Variants in CCDC171 observed in about 807,000 individuals in gnomAD.
CCDC171 encodes coiled-coil domain-containing protein 171.
In CCDC171, 177 loss-of-function variants were observed where a neutral mutation model predicts 168.2. The ratio of observed to expected loss-of-function variants is 1.05; its 90% CI spans 0.93 to 1.19. The LOEUF is 1.19. Ranked by LOEUF, CCDC171 falls within the 50% of genes most tolerant of loss-of-function variation. The pLI is 0.00. For synonymous variants in CCDC171, 687 were observed against 540.8 expected (o/e 1.27, Z -3.75); for missense variants, 1,991 against 1,539.0 (o/e 1.29, Z -4.91).
At chr9:16,101,728 G>A in the CCDC171 span, among the ~76,000 whole-genome samples, 1,422 of 152,338 alleles carry the variant, frequency 9.3e-3, 35 homozygotes, top group African/African-American at 0.033. Flanking sequence ...GAAGGCCACA[G>A]GGCAGGGAAG....
intron 2 of CCDC171, among the ~76,000 whole-genome samples, chr9:15,564,952 A>G (rs560781578): frequency 1.3e-5 from 2 of 152,292 alleles, no homozygotes; most frequent in South Asian, 4.1e-4. Context: ...GTCCTTCCTC[A>G]TATTTAGTTT....
intron 21 of CCDC171, among the ~76,000 whole-genome samples, chr9:15,799,851 C>G (rs2058735740): frequency 6.6e-6 from 1 of 152,016 alleles, no homozygotes; most frequent in Non-Finnish European, 1.5e-5. Flanking sequence ...TTTAGCCCCT[C>G]CAAATAAGTA....
intron 21 of CCDC171, among the ~76,000 whole-genome samples, chr9:15,793,741 G>C (rs1056551707): frequency 7.9e-5 from 12 of 151,710 alleles, no homozygotes; most frequent in African/African-American, 2.7e-4. Context: ...TTAGGACAGT[G>C]TTTCACCATA....
intron 8 of CCDC171, among the ~76,000 whole-genome samples, chr9:16,037,448 A>G (rs908827700): frequency 6.6e-6 from 1 of 152,312 alleles, no homozygotes; most frequent in Non-Finnish European, 1.5e-5. Flanking sequence ...AGCTTCCAAA[A>G]TTATGAAGAA....
chr9:15,634,674 T>G (rs1185708387), intron 7 of CCDC171, among the ~76,000 whole-genome samples: 1 of 152,214 alleles, frequency 6.6e-6, no homozygotes, highest in Non-Finnish European at 1.5e-5. Context: ...TATTATAAAT[T>G]TGTCCATTTG....
At chr9:15,956,955 T>C (rs1394751138) in intron 25 of CCDC171, among the ~76,000 whole-genome samples, 1 of 152,022 alleles carries the variant, frequency 6.6e-6, no homozygotes, top group Admixed American at 6.6e-5. Flanking sequence ...GTTTTGGTAG[T>C]CTAAAAATCA....
chr9:15,585,338 G>C (rs1405593406), intron 4 of CCDC171, among the ~76,000 whole-genome samples: 2 of 152,134 alleles, frequency 1.3e-5, no homozygotes, highest in African/African-American at 2.4e-5. Flanking sequence ...TGGGGAAAAA[G>C]ACATTCATTA....
intron 1 of CCDC171, among the ~76,000 whole-genome samples, chr9:16,046,823 T>C (rs933848040): frequency 3.9e-5 from 6 of 152,194 alleles, no homozygotes; most frequent in Admixed American, 1.3e-4. Context: ...TTAAACCTTT[T>C]TCTTTACAAA....
At chr9:15,656,706 C>A (rs542637143) in intron 7 of CCDC171, among the ~76,000 whole-genome samples, 195 of 152,132 alleles carry the variant, frequency 1.3e-3, no homozygotes, top group African/African-American at 4.6e-3. Flanking sequence ...TGACAAAAAG[C>A]AGATTCGTGA....
chr9:15,944,835 T>TTC (rs1554691557), intron 25 of CCDC171, among the ~76,000 whole-genome samples: 1 of 29,910 alleles, frequency 3.3e-5, no homozygotes, highest in Non-Finnish European at 6.8e-5. Context: ...TTTTCTTTCT[T>TTC]TTTTCTTTCT....
chr9:15,923,177 G>C (rs563794952), intron 25 of CCDC171, among the ~76,000 whole-genome samples: 1 of 151,296 alleles, frequency 6.6e-6, no homozygotes, highest in Non-Finnish European at 1.5e-5. Context: ...TCTTCTAGTA[G>C]TTTCAGAGTT....
chr9:15,589,185 T>C (rs932049105), intron 4 of CCDC171, among the ~76,000 whole-genome samples: 2 of 152,176 alleles, frequency 1.3e-5, no homozygotes, highest in Non-Finnish European at 2.9e-5. Context: ...TTCCCTGATA[T>C]TGACACACAT....
chr9:15,799,165 T>C (rs796078486), intron 21 of CCDC171, among the ~76,000 whole-genome samples: 5 of 141,206 alleles, frequency 3.5e-5, no homozygotes, highest in African/African-American at 7.9e-5. Context: ...TATATATATA[T>C]ACCATTTTGA....
chr9:15,845,318 G>C (rs1476338028), intron 21 of CCDC171, among the ~76,000 whole-genome samples: 6 of 151,916 alleles, frequency 3.9e-5, no homozygotes, highest in Non-Finnish European at 7.4e-5. Context: ...TAATAGTGAA[G>C]ATTTAAAACA....
At chr9:15,856,093 G>C (rs981581867) in intron 23 of CCDC171, among the ~76,000 whole-genome samples, 1 of 151,858 alleles carries the variant, frequency 6.6e-6, no homozygotes, top group Admixed American at 6.6e-5. Context: ...TTATTGGGCA[G>C]ATCTAGTGGT....
At chr9:16,037,163 G>A (rs1833486474) in intron 8 of CCDC171, among the ~76,000 whole-genome samples, 1 of 152,182 alleles carries the variant, frequency 6.6e-6, no homozygotes, top group South Asian at 2.1e-4. Flanking sequence ...TCTCAACACA[G>A]AGAAATGATG....
intron 9 of CCDC171, among the ~76,000 whole-genome samples, chr9:15,678,164 G>GAC (rs1263846812): frequency 1.3e-5 from 2 of 151,626 alleles, no homozygotes; most frequent in Middle Eastern, 3.4e-3. Flanking sequence ...TCCTGCTATG[G>GAC]ACTGCCAAAG....
intron 23 of CCDC171, among the ~76,000 whole-genome samples, chr9:15,868,813 G>C (rs1041157816): frequency 6.6e-6 from 1 of 151,880 alleles, no homozygotes; most frequent in Non-Finnish European, 1.5e-5. Flanking sequence ...TCACAAGGTG[G>C]GTAACAGAAT....
In CCDC171 at chr9:15,721,890, GT is replaced by G; in HGVS notation, c.1425+18del. On this transcript the variant is annotated intron_variant, in intron 12 of 25. Coordinates refer to ENST00000380701, the MANE Select transcript of CCDC171 (RefSeq NM_173550.4). ...CATCTAATGAGGTAACACTTGCACT[GT>G]TTGGCTCCACACATATAGCCTTCGG... The G allele has an allele frequency of 7.1e-7, 1 of 1,407,630 alleles. No individual in the cohort carries two copies. The highest frequency in any genetic ancestry group is 9.6e-7 in the Non-Finnish European group (1 of 1,041,492). 87.2% of individuals were successfully genotyped at this position (1,407,630 alleles called of 1,614,324 possible). A position where few individuals can be genotyped will look rare whatever the true frequency, so the allele number is the denominator to read the frequency against.
Sources: gnomAD v4.1 joint callset for allele counts (sites outside exome capture counted in the v4.1 genomes callset) on GRCh38, gnomAD v4.1.1 for gene constraint, MANE v1.5 for transcripts, NCBI Gene and HGNC (gene_info 2026-07-23, HGNC 2026-07-21) for gene names.